The following PIK3C2G variants were observed in gnomAD, a reference collection of about 807,000 sequenced individuals.
PIK3C2G encodes phosphatidylinositol-4-phosphate 3-kinase catalytic subunit type 2 gamma, also known as phosphatidylinositol 3-kinase C2 domain-containing subunit gamma.
In PIK3C2G, 168 loss-of-function variants were observed where a neutral mutation model predicts 181.1. The observed-to-expected ratio is 0.93, with a 90% CI of 0.82 to 1.05. PIK3C2G has a LOEUF of 1.05. Among genes scored for constraint, PIK3C2G ranks in the 50% least tolerant of loss-of-function variants. The pLI, the probability that PIK3C2G is intolerant of heterozygous loss-of-function variation, is 0.00. For missense variants in PIK3C2G, 1,869 were observed against 1,732.8 expected, an observed-to-expected ratio of 1.08 and a Z score of -1.40; for synonymous variants, 573 against 592.2, an observed-to-expected ratio of 0.97 and a Z score of 0.47.
chr12:18,667,146 C>A, the PIK3C2G span, among the ~76,000 whole-genome samples: 1 of 152,082 alleles, frequency 6.6e-6, no homozygotes, highest in African/African-American at 2.4e-5. Context: ...AAAGGGGTCT[C>A]AAATAAGGTC....
chr12:18,621,311 T>C (rs964561531), intron 31 of PIK3C2G, among the ~76,000 whole-genome samples: 2 of 151,894 alleles, frequency 1.3e-5, no homozygotes, highest in African/African-American at 4.8e-5. Flanking sequence ...ATAAGTGAAG[T>C]TTAAAACCTT....
chr12:18,410,685 G>A (rs753622509), intron 16 of PIK3C2G, among the ~76,000 whole-genome samples: 2 of 152,014 alleles, frequency 1.3e-5, no homozygotes, highest in Non-Finnish European at 2.9e-5. Flanking sequence ...AGATGAATTT[G>A]CTTAGAGAGA....
At chr12:18,433,390 G>A (rs1396021837) in intron 18 of PIK3C2G, among the ~76,000 whole-genome samples, 1 of 152,072 alleles carries the variant, frequency 6.6e-6, no homozygotes, top group Non-Finnish European at 1.5e-5. Context: ...GCAGGTGCCT[G>A]TAATCCTAGC....
chr12:18,526,779 CACTT>C (rs1222101433), intron 24 of PIK3C2G, among the ~76,000 whole-genome samples: 2 of 152,118 alleles, frequency 1.3e-5, no homozygotes, highest in Non-Finnish European at 2.9e-5. Context: ...AAAGCGCTCT[CACTT>C]ACTCACACGG....
chr12:18,476,606 T>C (rs1360847018), intron 18 of PIK3C2G, among the ~76,000 whole-genome samples: 1 of 152,008 alleles, frequency 6.6e-6, no homozygotes, highest in African/African-American at 2.4e-5. Flanking sequence ...AGAAACTAGA[T>C]TTGAGAGCTA....
At chr12:18,523,337 A>G (rs1290492762) in intron 24 of PIK3C2G, among the ~76,000 whole-genome samples, 1 of 152,126 alleles carries the variant, frequency 6.6e-6, no homozygotes, top group Non-Finnish European at 1.5e-5. Context: ...GTGCCTGCAT[A>G]TGTGAGGACA....
intron 24 of PIK3C2G, among the ~76,000 whole-genome samples, chr12:18,515,446 T>C (rs1942472494): frequency 6.6e-6 from 1 of 152,022 alleles, no homozygotes; most frequent in Non-Finnish European, 1.5e-5. Flanking sequence ...TGATTTAATC[T>C]TGGTATATTA....
At chr12:18,697,916 G>T in the PIK3C2G span, among the ~76,000 whole-genome samples, 9 of 152,002 alleles carry the variant, frequency 5.9e-5, no homozygotes, top group African/African-American at 2.2e-4. Flanking sequence ...AATGCTCTAT[G>T]CCCCTTCAAA....
chr12:18,665,929 C>A, the PIK3C2G span, among the ~76,000 whole-genome samples: 4 of 121,434 alleles, frequency 3.3e-5, no homozygotes, highest in African/African-American at 5.4e-5. Context: ...AGATAGACTC[C>A]ATCTCAAAAA....
At chr12:18,341,656 C>T (rs1939151623) in intron 9 of PIK3C2G, among the ~76,000 whole-genome samples, 1 of 151,078 alleles carries the variant, frequency 6.6e-6, no homozygotes, top group African/African-American at 2.5e-5. Flanking sequence ...AAATGTGAGC[C>T]CACCTATGTA....
chr12:18,478,344 C>T (rs533476905), intron 18 of PIK3C2G, among the ~76,000 whole-genome samples: 204 of 152,232 alleles, frequency 1.3e-3, no homozygotes, highest in African/African-American at 4.7e-3. Context: ...TTTTGAACCC[C>T]AGGCCCAGTT....
upstream of PIK3C2G, among the ~76,000 whole-genome samples, chr12:18,261,317 C>T (rs987888724): frequency 2.0e-5 from 3 of 152,238 alleles, no homozygotes; most frequent in African/African-American, 7.2e-5. Context: ...CACAGAGAAG[C>T]TCATTTATGG....
At chr12:18,441,627 A>G (rs1273259313) in intron 18 of PIK3C2G, among the ~76,000 whole-genome samples, 1 of 152,096 alleles carries the variant, frequency 6.6e-6, no homozygotes, top group Admixed American at 6.6e-5. Context: ...ATGTGGTGGT[A>G]GTTGCCTGTA....
intron 11 of PIK3C2G, among the ~76,000 whole-genome samples, chr12:18,349,179 G>T (rs1161386908): frequency 6.6e-6 from 1 of 152,102 alleles, no homozygotes; most frequent in Non-Finnish European, 1.5e-5. Context: ...CTGCCATATT[G>T]TATCCTGTGG....
rs1223716645 is a variant in PIK3C2G at position 18,282,608 on chromosome 12, C to T, written c.527C>T (p.Pro176Leu). Residue 176 changes from proline to leucine, a missense_variant, in exon 2 of 33, where the codon CCT becomes CTT. By Grantham distance (98) the Pro-to-Leu change is moderately conservative. Transcript: ENST00000538779. ...CATATAGGATTTGAAAGTAGCATTC[C>T]TCCAACAAATTCATCCTTCTCAAGT... is the stretch of plus-strand genomic sequence containing the variant. The part of the protein sequence containing the change: ...NYHIGFESSI[P>L]PTNSSFSSDF... 6.2e-7 allele frequency: 1 copy of T among 1,613,048 alleles called. No individual in the cohort carries two copies. Among genetic ancestry groups the T allele is most frequent in the Non-Finnish European group, 8.5e-7 (1 of 1,179,218 alleles).
chr12:18,257,993 C>T (rs1948165438), upstream of PIK3C2G, among the ~76,000 whole-genome samples: 1 of 152,150 alleles, frequency 6.6e-6, no homozygotes, highest in African/African-American at 2.4e-5. Context: ...GCTGCAAAGG[C>T]ATATGGGAAG....
At chr12:18,686,108 G>A in the PIK3C2G span, among the ~76,000 whole-genome samples, 283 of 151,936 alleles carry the variant, frequency 1.9e-3, 4 homozygotes, top group East Asian at 0.039. Context: ...TGACTTCTGC[G>A]CAGTGTTTCT....
chr12:18,654,523 G>A, the PIK3C2G span, among the ~76,000 whole-genome samples: 114 of 152,306 alleles, frequency 7.5e-4, no homozygotes, highest in African/African-American at 2.6e-3. Flanking sequence ...AGGAAAATCA[G>A]TATAAAGGAT....
intron 18 of PIK3C2G, among the ~76,000 whole-genome samples, chr12:18,442,875 T>C (rs1340734959): frequency 1.4e-5 from 2 of 142,890 alleles, no homozygotes; most frequent in East Asian, 4.5e-4. Flanking sequence ...ATATCCTACA[T>C]TTTTTTTTTT....
Sources: allele counts gnomAD v4.1 joint callset (sites outside exome capture counted in the v4.1 genomes callset), GRCh38; gene constraint gnomAD v4.1.1; transcripts MANE v1.5; gene names NCBI Gene and HGNC (gene_info 2026-07-23, HGNC 2026-07-21).